The following CAPZA2 variants were observed in gnomAD, a reference collection of about 807,000 sequenced individuals.
The protein encoded by CAPZA2 is capping actin protein of muscle Z-line subunit alpha 2, also known as F-actin-capping protein subunit alpha-2.
Under a neutral mutation model 44.0 loss-of-function variants are expected in CAPZA2, and 13 were observed. The observed-to-expected ratio is 0.30, with a 90% CI of 0.19 to 0.47. CAPZA2 has a LOEUF of 0.47. CAPZA2 is among the 20% of genes least tolerant of loss of function. The probability of loss-of-function intolerance (pLI) is 1.00; values close to 1 mark genes in which losing one functional copy is unlikely to be tolerated. For synonymous variants in CAPZA2, 94 were observed against 108.2 expected, an observed-to-expected ratio of 0.87 and a Z score of 0.81; for missense variants, 244 against 338.6, an observed-to-expected ratio of 0.72 and a Z score of 2.19.
intron 4 of CAPZA2, among the ~76,000 whole-genome samples, chr7:116,902,857 A>G (rs914368934): frequency 2.0e-5 from 3 of 152,108 alleles, no homozygotes; most frequent in African/African-American, 7.2e-5. Context: ...CTACAGGCAC[A>G]TGCCACCACG....
intron 8 of CAPZA2, among the ~76,000 whole-genome samples, chr7:116,913,055 G>A (rs532009825): frequency 2.4e-4 from 37 of 152,024 alleles, no homozygotes; most frequent in African/African-American, 8.9e-4. Flanking sequence ...CTTTTCTTGT[G>A]CTTATGATCA....
chr7:116,864,759 C>A (rs1237055884), intron 1 of CAPZA2, among the ~76,000 whole-genome samples: 5 of 152,044 alleles, frequency 3.3e-5, no homozygotes, highest in Non-Finnish European at 7.3e-5. Flanking sequence ...AGCTCTTAAG[C>A]TGGGCACGGT....
chr7:116,872,023 A>G (rs921988444), intron 1 of CAPZA2, among the ~76,000 whole-genome samples: 3 of 152,150 alleles, frequency 2.0e-5, no homozygotes, highest in Admixed American at 2.0e-4. Flanking sequence ...AAAGCTTCCC[A>G]GGTGATCTGA....
At chr7:116,898,479 C>G (rs1433240269) in intron 3 of CAPZA2, among the ~76,000 whole-genome samples, 1 of 152,080 alleles carries the variant, frequency 6.6e-6, no homozygotes, top group Non-Finnish European at 1.5e-5. Context: ...GGATGCATCT[C>G]TTATCAGTAA....
chr7:116,912,987 A>AG (rs1554411958), intron 8 of CAPZA2, among the ~76,000 whole-genome samples: 1 of 152,154 alleles, frequency 6.6e-6, no homozygotes, highest in East Asian at 1.9e-4. Flanking sequence ...GTCAGTATGA[A>AG]GTAGTGTCTT....
intron 1 of CAPZA2, among the ~76,000 whole-genome samples, chr7:116,865,910 G>A (rs555648079): frequency 1.8e-4 from 28 of 152,278 alleles, no homozygotes; most frequent in African/African-American, 6.0e-4. Flanking sequence ...CAAGCAAATA[G>A]TGTTAGGTTC....
At chr7:116,904,437 A>G (rs748463872) in intron 5 of CAPZA2, 54 bp downstream of exon 5, 1 of 1,051,744 alleles carries the variant, frequency 9.5e-7, no homozygotes, top group Non-Finnish European at 1.4e-6. Flanking sequence ...GTGAGTCTTT[A>G]GCGTCTCTTA....
chr7:116,876,536 T>C (rs1796625107), intron 1 of CAPZA2, among the ~76,000 whole-genome samples: 1 of 152,236 alleles, frequency 6.6e-6, no homozygotes, highest in Non-Finnish European at 1.5e-5. Flanking sequence ...TTCTAATGTT[T>C]AGACTATATT....
intron 1 of CAPZA2, chr7:116,876,030 T>C (rs2115885044): frequency 6.6e-6 from 1 of 152,136 alleles, no homozygotes. Flanking sequence ...GGCGGGCGGA[T>C]CACGAGATCA....
intron 8 of CAPZA2, among the ~76,000 whole-genome samples, chr7:116,914,229 C>A (rs989161723): frequency 5.9e-5 from 9 of 151,680 alleles, no homozygotes; most frequent in African/African-American, 2.2e-4. Context: ...CGGGGTTTCA[C>A]CGTGTTAGCC....
chr7:116,864,873 T>TA (rs1010712820), intron 1 of CAPZA2, among the ~76,000 whole-genome samples: 12 of 151,344 alleles, frequency 7.9e-5, no homozygotes, highest in Non-Finnish European at 7.4e-5. Context: ...ACCTCATCTC[T>TA]AAAAAAAAAT....
chr7:116,873,221 T>C (rs1796573333), intron 1 of CAPZA2, among the ~76,000 whole-genome samples: 1 of 152,234 alleles, frequency 6.6e-6, no homozygotes, highest in African/African-American at 2.4e-5. Context: ...CATAGTAGTG[T>C]ACCTTTGGAC....
At chr7:116,914,432 TACACACACACACACACACAC>T (rs71148345) in intron 8 of CAPZA2, among the ~76,000 whole-genome samples, 16 of 145,140 alleles carry the variant, frequency 1.1e-4, no homozygotes, top group Admixed American at 5.5e-4. Context: ...TATACATACA[TACACACACACACACACACAC>T]ACACACACAC....
intron 1 of CAPZA2, among the ~76,000 whole-genome samples, chr7:116,868,387 T>C (rs962465485): frequency 2.0e-5 from 3 of 152,338 alleles, no homozygotes; most frequent in African/African-American, 7.2e-5. Context: ...TTTGTGTGTG[T>C]AAAAACAATA....
In CAPZA2 at chr7:116,864,766, C is replaced by T. The variant is rs563672011; in HGVS notation, c.39+2116C>T. On this transcript the variant is annotated intron_variant, in intron 1 of 9. Coordinates refer to ENST00000361183, the MANE Select transcript of CAPZA2 (RefSeq NM_006136.3). ...CAAAAATAAGCTCTTAAGCTGGGCA[C>T]GGTGGTTTGCACCTGTAATGCCAAC... 3.9e-5 allele frequency among the ~76,000 whole-genome samples: 6 copies of T among 152,096 alleles called. No individual in the cohort carries two copies. The South Asian group carries it at 6.2e-4, about 16-fold the overall frequency.
chr7:116,894,527 G>A (rs958009223), intron 3 of CAPZA2, among the ~76,000 whole-genome samples: 1 of 152,144 alleles, frequency 6.6e-6, no homozygotes, highest in African/African-American at 2.4e-5. Context: ...ATTTATAGCA[G>A]TTTTTTAATT....
At chr7:116,916,756 C>G (rs1039422936) in intron 9 of CAPZA2, among the ~76,000 whole-genome samples, 1 of 152,198 alleles carries the variant, frequency 6.6e-6, no homozygotes, top group Non-Finnish European at 1.5e-5. Flanking sequence ...TTTGCATTAT[C>G]TATTTACCAG....
intron 1 of CAPZA2, among the ~76,000 whole-genome samples, chr7:116,863,186 T>C (rs1796440441): frequency 6.6e-6 from 1 of 152,240 alleles, no homozygotes. Flanking sequence ...AAATGCTTCC[T>C]TTTCTGATCC....
Position 116,920,263 on chromosome 7 carries a change from A to G in CAPZA2, c.*2396A>G, listed in dbSNP as rs552558124. The G allele has an allele frequency of 1.9e-4, 29 of 150,120 alleles. No individual in the cohort carries two copies. The highest frequency in any genetic ancestry group is 7.1e-4 in the African/African-American group (29 of 40,974). The allele number at this position is 150,120 out of a possible 1,614,324, so 9.3% of individuals were successfully genotyped here. On this transcript the variant is annotated 3_prime_UTR_variant, in exon 10 of 10. Transcript: ENST00000361183. Reference sequence around the variant, plus strand: ...CTGTCTCAAAATAATAATAATAATAAAAGAATGGCATTTATTAAAGTGAAA... The same window carrying G: ...CTGTCTCAAAATAATAATAATAATAGAAGAATGGCATTTATTAAAGTGAAA...
Sources: allele counts gnomAD v4.1 joint callset (sites outside exome capture counted in the v4.1 genomes callset), GRCh38; gene constraint gnomAD v4.1.1; transcripts MANE v1.5; gene names NCBI Gene and HGNC (gene_info 2026-07-23, HGNC 2026-07-21).